NIBAN1: variants seen among roughly 807,000 people sequenced by gnomAD.
NIBAN1 encodes niban apoptosis regulator 1.
NIBAN1 carries 81 observed loss-of-function variants against 75.1 expected under a neutral mutation model. The observed-to-expected ratio is 1.08, with a 90% CI of 0.90 to 1.30. The LOEUF is 1.30. NIBAN1 is among the 50% of genes most tolerant of loss of function. The pLI, the probability that NIBAN1 is intolerant of heterozygous loss-of-function variation, is 0.00. For missense variants in NIBAN1, 1,133 were observed against 1,128.1 expected, an observed-to-expected ratio of 1.00 and a Z score of -0.06; for synonymous variants, 436 against 424.8, an observed-to-expected ratio of 1.03 and a Z score of -0.32.
chr1:184,907,984 G>A (rs1657146610), intron 1 of NIBAN1, among the ~76,000 whole-genome samples: 1 of 152,108 alleles, frequency 6.6e-6, no homozygotes, highest in African/African-American at 2.4e-5. Context: ...ATTCTCCCAA[G>A]AGCTTATATG....
At chr1:184,944,703 G>GA (rs1179243336) in intron 1 of NIBAN1, among the ~76,000 whole-genome samples, 1 of 152,200 alleles carries the variant, frequency 6.6e-6, no homozygotes, top group Non-Finnish European at 1.5e-5. Flanking sequence ...AATGTCATGG[G>GA]AAAAAGAATA....
At chr1:184,965,534 CG>C (rs1658760532) in intron 1 of NIBAN1, among the ~76,000 whole-genome samples, 1 of 152,006 alleles carries the variant, frequency 6.6e-6, no homozygotes. Context: ...AGCAAACTAA[CG>C]CAGGAACAGA....
chr1:184,870,297 T>G (rs1462274226), intron 5 of NIBAN1, among the ~76,000 whole-genome samples: 1 of 152,052 alleles, frequency 6.6e-6, no homozygotes, highest in Non-Finnish European at 1.5e-5. Context: ...AAACTCTCTT[T>G]GATAGAAAGC....
chr1:184,890,007 G>A (rs1357358928), intron 4 of NIBAN1, 101 bp downstream of exon 4: 5 of 896,176 alleles, frequency 5.6e-6, no homozygotes, highest in African/African-American at 3.3e-5. Flanking sequence ...GCTGCCAAAT[G>A]TCCCTGGAGG....
rs34375473 is a variant in NIBAN1, at chr1:184,923,958, G to GTT, written c.56-24651_56-24650dup. On this transcript the variant is annotated intron_variant, in intron 1 of 13. Coordinates refer to ENST00000367511, the MANE Select transcript of NIBAN1 (RefSeq NM_052966.4). ...CTGAATTTGTTTATCAGTTCTAATA[G>GTT]TTTTTTTTTTTTTTGGTAGAGTCTT... is the stretch of plus-strand genomic sequence containing the variant. 9.9e-3 allele frequency among the ~76,000 whole-genome samples: 1,383 copies of GTT among 140,256 alleles called. 16 individuals are homozygous for GTT. Among genetic ancestry groups the GTT allele is most frequent in the South Asian group, 0.021 (94 of 4,464 alleles). The allele number at this position is 140,256 out of a possible 152,430, so 92.0% of individuals were successfully genotyped here.
At chr1:184,817,322 G>A (rs1007391521) in intron 9 of NIBAN1, among the ~76,000 whole-genome samples, 9 of 152,136 alleles carry the variant, frequency 5.9e-5, no homozygotes, top group African/African-American at 7.2e-5. Flanking sequence ...GAATAGTGCC[G>A]CAATTAACAT....
At chr1:184,821,555 A>C (rs1376807923) in intron 8 of NIBAN1, 1 of 152,204 alleles carries the variant, frequency 6.6e-6, no homozygotes, top group East Asian at 1.9e-4. Flanking sequence ...AATAAATACT[A>C]ATTCAGGGCA....
chr1:184,825,107 A>C (rs1364519206), intron 6 of NIBAN1, among the ~76,000 whole-genome samples: 1 of 152,246 alleles, frequency 6.6e-6, no homozygotes, highest in Non-Finnish European at 1.5e-5. Flanking sequence ...GGCAGCTCTC[A>C]AAACAACAGC....
intron 5 of NIBAN1, among the ~76,000 whole-genome samples, chr1:184,833,869 TCG>T (rs1330684268): frequency 6.6e-6 from 1 of 151,482 alleles, no homozygotes; most frequent in East Asian, 1.9e-4. Context: ...TTTTTTTTTT[TCG>T]ATTATACTTT....
Position 184,894,067 on chromosome 1 carries a change from T to C in NIBAN1, c.318+8A>G, listed in dbSNP as rs1435200756. The C allele has an allele frequency of 1.3e-6, 2 of 1,591,858 alleles. No homozygotes were observed. Among genetic ancestry groups the C allele is most frequent in the African/African-American group, 1.4e-5 (1 of 73,692 alleles). ...GTAAGAATCAGTAGTAACAAAGAAG[T>C]GTCTTACCTCTTTATTCTCATAGCT... is the stretch of plus-strand genomic sequence containing the variant. On this transcript the variant is annotated splice_region_variant and intron_variant, in intron 3 of 13. Coordinates refer to ENST00000367511, the MANE Select transcript of NIBAN1 (RefSeq NM_052966.4).
chr1:184,859,748 G>A (rs938104169), intron 5 of NIBAN1, among the ~76,000 whole-genome samples: 3 of 151,898 alleles, frequency 2.0e-5, no homozygotes, highest in South Asian at 2.1e-4. Flanking sequence ...TTGCTGGTTC[G>A]CTCTGCCATG....
chr1:184,936,943 C>G (rs951552874), intron 1 of NIBAN1, among the ~76,000 whole-genome samples: 1 of 152,020 alleles, frequency 6.6e-6, no homozygotes, highest in African/African-American at 2.4e-5. Flanking sequence ...AAGATGTTTT[C>G]AAGTAAAGAA....
Position 184,823,816 on chromosome 1 carries a change from G to T in NIBAN1, c.718-74C>A, listed in dbSNP as rs1571494111. 4 of 1,278,936 alleles carry T rather than the reference G, an allele frequency of 3.1e-6. No individual in the cohort carries two copies. The South Asian group carries it at 4.8e-5, about 15-fold the overall frequency. 79.2% of individuals were successfully genotyped at this position (1,278,936 alleles called of 1,614,324 possible). On this transcript the variant is annotated intron_variant, in intron 6 of 13. Transcript: ENST00000367511. ...TCTGAGCATCAGGCCAACTAAAAAT[G>T]TCCTGATTGGCTGTCCCTGTCCCGG... is the stretch of plus-strand genomic sequence containing the variant.
chr1:184,823,543 G>T, intron 7 of NIBAN1, 95 bp downstream of exon 7: 2 of 1,385,266 alleles, frequency 1.4e-6, no homozygotes, highest in Non-Finnish European at 2.0e-6. Context: ...CCCAGGGAAG[G>T]GAATATCAAC....
chr1:184,852,418 A>G (rs1655565839), intron 5 of NIBAN1, among the ~76,000 whole-genome samples: 1 of 152,174 alleles, frequency 6.6e-6, no homozygotes, highest in African/African-American at 2.4e-5. Flanking sequence ...CTGGTGCCCC[A>G]CTGCACTAGA....
At chr1:184,802,061 A>C (rs1654060328) in intron 12 of NIBAN1, among the ~76,000 whole-genome samples, 2 of 152,200 alleles carry the variant, frequency 1.3e-5, no homozygotes, top group South Asian at 4.1e-4. Context: ...AGATCTAGGA[A>C]GCTGCTACTT....
intron 5 of NIBAN1, among the ~76,000 whole-genome samples, chr1:184,836,142 A>T (rs116173697): frequency 0.016 from 2,369 of 152,338 alleles, 31 homozygotes; most frequent in Middle Eastern, 0.037. Context: ...TGACAATACC[A>T]TTGGCAGCGT....
In NIBAN1 at chr1:184,803,613, T is replaced by A; in HGVS notation, c.1526A>T (p.Gln509Leu). 1 of 1,614,214 alleles carries A rather than the reference T, an allele frequency of 6.2e-7. No homozygotes were observed. The highest frequency in any genetic ancestry group is 8.5e-7 in the Non-Finnish European group (1 of 1,180,004). ...TTTGCATGTGGACGCCAGTGCCTTCTGCACAGTGGGAAGTGTGATTTGAAC... is the reference window on the plus strand; with the variant it reads ...TTTGCATGTGGACGCCAGTGCCTTCAGCACAGTGGGAAGTGTGATTTGAAC... ...ALVQITLPTV[Q>L]KALASTCKPE... Residue 509 changes from glutamine to leucine, a missense_variant, in exon 12 of 14, where the codon CAG becomes CTG. By Grantham distance (113) the Gln-to-Leu change is moderately radical. Transcript: ENST00000367511.
At chr1:184,958,364 TCACA>T (rs3035788) in intron 1 of NIBAN1, among the ~76,000 whole-genome samples, 15,315 of 142,312 alleles carry the variant, frequency 0.11, 875 homozygotes, top group Middle Eastern at 0.17. Context: ...GACAGAGGAG[TCACA>T]CACACACACA....
Sources: allele counts gnomAD v4.1 joint callset (sites outside exome capture counted in the v4.1 genomes callset), GRCh38; gene constraint gnomAD v4.1.1; transcripts MANE v1.5; gene names NCBI Gene and HGNC (gene_info 2026-07-23, HGNC 2026-07-21).